The following LMF1 variants were observed in gnomAD, a reference collection of about 807,000 sequenced individuals.
LMF1 encodes the protein transmembrane protein 112.
A neutral mutation model predicts 60.6 loss-of-function variants in LMF1; 68 were observed. The observed-to-expected ratio is 1.12, with a 90% CI of 0.92 to 1.37. The LOEUF (loss-of-function observed/expected upper bound fraction) is 1.37, where lower values mean the gene tolerates loss of function less well. Among genes scored for constraint, LMF1 ranks in the 40% most tolerant of loss-of-function variants. The pLI is 0.00. For synonymous variants in LMF1, 418 were observed against 324.7 expected (o/e 1.29, Z -3.09); for missense variants, 948 against 767.2 (o/e 1.24, Z -2.78).
chr16:863,058 TTG>T (rs1567142381), intron 10 of LMF1, among the ~76,000 whole-genome samples: 1 of 152,134 alleles, frequency 6.6e-6, no homozygotes, highest in Non-Finnish European at 1.5e-5. Context: ...TTGTGGTAGT[TTG>T]TGTTTTTTGA....
chr16:854,442 G>T lies in LMF1; in HGVS notation c.*90C>A. On this transcript the variant is annotated 3_prime_UTR_variant, in exon 11 of 11. Transcript: ENST00000262301. ...CGCTCTCCTCTCCACGTCTCTCTTG[G>T]CGATGCCCAGCTTGGGCTGGGCGCA... 1 of 1,314,762 alleles carries T rather than the reference G, an allele frequency of 7.6e-7. No individual in the cohort carries two copies. The highest frequency in any genetic ancestry group is 1.1e-6 in the Non-Finnish European group (1 of 948,344). The allele number at this position is 1,314,762 out of a possible 1,614,324, so 81.4% of individuals were successfully genotyped here. A position where few individuals can be genotyped will look rare whatever the true frequency, so the allele number is the denominator to read the frequency against.
At chr16:920,422 G>A (rs2071401807) in intron 3 of LMF1, among the ~76,000 whole-genome samples, 1 of 152,190 alleles carries the variant, frequency 6.6e-6, no homozygotes, top group African/African-American at 2.4e-5. Flanking sequence ...TCGGAGGAAG[G>A]CCAGGCCCAC....
chr16:870,703 G>A (rs758564353), intron 8 of LMF1, 26 bp downstream of exon 8: 17 of 1,611,346 alleles, frequency 1.1e-5, no homozygotes, highest in East Asian at 4.5e-5. Flanking sequence ...ACCCAGCTCC[G>A]GGGGACGGGG....
chr16:853,994 C>T lies in LMF1; in HGVS notation c.*538G>A, dbSNP rs1232226084. ...GATGAGGGATAGGACAGAAAATGGC[C>T]CATCCAACCCCACATCCTGGCCGGG... On this transcript the variant is annotated 3_prime_UTR_variant, in exon 11 of 11. Coordinates refer to ENST00000262301, the MANE Select transcript of LMF1 (RefSeq NM_022773.4). 4 of 453,966 alleles carry T rather than the reference C, an allele frequency of 8.8e-6. No individual in the cohort carries two copies. The highest frequency in any genetic ancestry group is 1.8e-5 in the Non-Finnish European group (4 of 226,810). The allele number at this position is 453,966 out of a possible 1,614,324, so 28.1% of individuals were successfully genotyped here.
intron 3 of LMF1, among the ~76,000 whole-genome samples, chr16:925,158 T>C (rs1038550363): frequency 1.3e-5 from 2 of 152,200 alleles, no homozygotes; most frequent in African/African-American, 4.8e-5. Flanking sequence ...CTGTCACTAA[T>C]CCACTAGGAA....
intron 1 of LMF1, among the ~76,000 whole-genome samples, chr16:959,979 A>G (rs2072790111): frequency 6.6e-6 from 1 of 151,580 alleles, no homozygotes; most frequent in South Asian, 2.1e-4. Context: ...GGATAGGTGG[A>G]TACGACAGAG....
rs1381185784 is a variant in LMF1 at position 889,774 on chromosome 16, C to G, written c.729+3233G>C. Among the ~76,000 whole-genome samples, 9 of 152,292 alleles carry G rather than the reference C, an allele frequency of 5.9e-5. 1 individual carries two copies. Among genetic ancestry groups the G allele is most frequent in the Admixed American group, 3.9e-4 (6 of 15,302 alleles). On this transcript the variant is annotated intron_variant, in intron 5 of 10. Transcript: ENST00000262301. ...AGGTCCTCCTTGGAGAGAGGATTCACGCAGGGCCCTGGGCTCGCAGTTGAC... is the reference window on the plus strand; with the variant it reads ...AGGTCCTCCTTGGAGAGAGGATTCAGGCAGGGCCCTGGGCTCGCAGTTGAC...
chr16:979,194 G>A lies in LMF1; in HGVS notation c.-135+1951C>T, dbSNP rs181657194. On this transcript the variant is annotated intron_variant, in intron 1 of 6. Transcript: ENST00000570014. ...CCCTCTCTGAAAGCTCCGTCCCGGC[G>A]TCCTCTCAGGCCTAGTGGCTCACAC... The A allele has an allele frequency of 1.1e-4, 45 of 428,234 alleles. 1 individual carries two copies. In the East Asian group the frequency reaches 1.9e-3, roughly 18 times the overall value. 26.5% of individuals were successfully genotyped at this position (428,234 alleles called of 1,614,324 possible).
intron 5 of LMF1, among the ~76,000 whole-genome samples, chr16:890,512 G>A (rs574505764): frequency 6.6e-6 from 1 of 152,280 alleles, no homozygotes; most frequent in East Asian, 1.9e-4. Context: ...CAGGCTCATG[G>A]CTCTCTGTGA....
chr16:908,058 C>T (rs79883042), intron 4 of LMF1, among the ~76,000 whole-genome samples: 1,793 of 152,256 alleles, frequency 0.012, 19 homozygotes, highest in South Asian at 0.092. Context: ...CCCAGGGCTT[C>T]GGCCTGACAG....
At chr16:929,676 T>C (rs1241409539) in intron 3 of LMF1, among the ~76,000 whole-genome samples, 1 of 152,252 alleles carries the variant, frequency 6.6e-6, no homozygotes, top group Non-Finnish European at 1.5e-5. Flanking sequence ...AGGCTCCTTC[T>C]TTGAAGTGAA....
intron 4 of LMF1, among the ~76,000 whole-genome samples, chr16:895,114 G>A (rs1416721145): frequency 6.6e-6 from 1 of 152,202 alleles, no homozygotes; most frequent in East Asian, 1.9e-4. Flanking sequence ...CGCCAGTCGC[G>A]GTCCCACTGC....
At chr16:895,146 CG>C (rs1275260165) in intron 4 of LMF1, among the ~76,000 whole-genome samples, 1 of 152,148 alleles carries the variant, frequency 6.6e-6, no homozygotes, top group Non-Finnish European at 1.5e-5. Flanking sequence ...CTCCAGACGG[CG>C]GGGGGTGCGG....
chr16:882,665 G>A (rs1596896224), intron 5 of LMF1, among the ~76,000 whole-genome samples: 1 of 152,098 alleles, frequency 6.6e-6, no homozygotes, highest in South Asian at 2.1e-4. Context: ...GCCATCACAG[G>A]ACCAGGAGAA....
In LMF1 at chr16:970,889, G is replaced by A. The variant is rs368337185; in HGVS notation, c.92C>T (p.Pro31Leu). ...GCCTGCGGGGCCACGCCCCGGCGCG[G>A]GCGGCGACTCAGGCTCCGGATCCGA... ...GYSDPEPESP[P>L]APGRGPAGSP... The change falls in exon 1 of 11, where the codon CCC becomes CTC. Residue 31 changes from proline to leucine, a missense_variant. Physicochemically the swap from Pro to Leu is moderately conservative, Grantham distance 98. Coordinates refer to ENST00000262301, the MANE Select transcript of LMF1 (RefSeq NM_022773.4). 2.4e-5 allele frequency: 38 copies of A among 1,575,228 alleles called. No individual in the cohort carries two copies. The African/African-American group carries it at 4.8e-4, about 20-fold the overall frequency.
intron 2 of LMF1, among the ~76,000 whole-genome samples, chr16:941,521 C>A (rs572765887): frequency 1.3e-5 from 2 of 152,324 alleles, no homozygotes; most frequent in East Asian, 1.9e-4. Flanking sequence ...CCATGCCTGG[C>A]CTGATTCTAA....
In LMF1 at chr16:977,955, CCA is replaced by C. The variant is rs1196103018; in HGVS notation, c.-135+3188_-135+3189del. ...CATACATCATACACACGCACACACA[CCA>C]CACACCATACACACACCCCACCACA... On this transcript the variant is annotated intron_variant, in intron 1 of 6. Transcript: ENST00000570014. Among the ~76,000 whole-genome samples the C allele has an allele frequency of 3.6e-3, 452 of 126,892 alleles. 6 individuals carry two copies. Among genetic ancestry groups the C allele is most frequent in the African/African-American group, 0.014 (410 of 30,224 alleles). 83.2% of individuals were successfully genotyped at this position (126,892 alleles called of 152,430 possible). A position where few individuals can be genotyped will look rare whatever the true frequency, so the allele number is the denominator to read the frequency against.
chr16:964,660 C>A (rs1477339541), intron 1 of LMF1, among the ~76,000 whole-genome samples: 1 of 152,226 alleles, frequency 6.6e-6, no homozygotes, highest in East Asian at 1.9e-4. Context: ...ACAAAACCAA[C>A]TGAGCAGGGT....
intron 10 of LMF1, among the ~76,000 whole-genome samples, chr16:866,872 C>T (rs1315921605): frequency 2.0e-5 from 3 of 152,176 alleles, no homozygotes; most frequent in African/African-American, 7.2e-5. Context: ...AGGCCGAAAG[C>T]AAGCCTAGGC....
Sources: gnomAD v4.1 joint callset for allele counts (sites outside exome capture counted in the v4.1 genomes callset) on GRCh38, gnomAD v4.1.1 for gene constraint, MANE v1.5 for transcripts, NCBI Gene and HGNC (gene_info 2026-07-23, HGNC 2026-07-21) for gene names.